KAT5: variants seen among roughly 807,000 people sequenced by gnomAD.
KAT5 encodes histone acetyltransferase KAT5.
A neutral mutation model predicts 68.1 loss-of-function variants in KAT5; 31 were observed. The observed-to-expected ratio is 0.46, with a 90% CI of 0.34 to 0.61. The LOEUF (loss-of-function observed/expected upper bound fraction) is 0.61. Ranked by LOEUF, KAT5 falls within the 20% of genes least tolerant of loss-of-function variation. The pLI, the probability that KAT5 is intolerant of heterozygous loss-of-function variation, is 0.01. For missense variants in KAT5, 451 were observed against 725.5 expected (o/e 0.62, Z 4.35); for synonymous variants, 365 against 292.6 (o/e 1.25, Z -2.52).
rs1857322251 is a variant in KAT5 at position 65,719,427 on chromosome 11, C to G, written c.*246C>G. 1 of 605,970 alleles carries G rather than the reference C, an allele frequency of 1.7e-6. No individual in the cohort carries two copies. Among genetic ancestry groups the G allele is most frequent in the African/African-American group, 1.9e-5 (1 of 54,026 alleles). The allele number at this position is 605,970 out of a possible 1,614,324, so 37.5% of individuals were successfully genotyped here. The stretch of plus-strand genomic sequence containing the variant: ...CCTCTGAAGCAGGGACCAGAGGGAG[C>G]CAGGCAGCTGTGTACAGTGAGAAGG... On this transcript the variant is annotated 3_prime_UTR_variant, in exon 13 of 13. Coordinates refer to ENST00000341318, the MANE Select transcript of KAT5 (RefSeq NM_182710.3).
intron 12 of KAT5, 38 bp from the exon 13 acceptor site, chr11:65,719,009 T>G: frequency 6.2e-7 from 1 of 1,614,046 alleles, no homozygotes; most frequent in Non-Finnish European, 8.5e-7. Context: ...CAGTCCTCTG[T>G]GGGCTGACCA....
chr11:65,717,236 C>G (rs1364593148), intron 10 of KAT5: 4 of 571,264 alleles, frequency 7.0e-6, no homozygotes, highest in Non-Finnish European at 1.3e-5. Flanking sequence ...TTCCCCAAAT[C>G]TGACTTACGT....
At position 65,714,736 on chromosome 11, in the gene KAT5, G is replaced by A. The variant is rs758972621; in HGVS notation, c.932G>A (p.Arg311His). 2.9e-5 allele frequency: 47 copies of A among 1,614,040 alleles called. No individual in the cohort carries two copies. Among genetic ancestry groups the A allele is most frequent in the Non-Finnish European group, 3.7e-5 (44 of 1,180,028 alleles). Reference sequence around the variant, plus strand: ...GGCCGTAGTCTCAAGTGTCTTCAGCGTCATTTGGTATGAGGGGTCCAGGGA... The same window carrying A: ...GGCCGTAGTCTCAAGTGTCTTCAGCATCATTTGGTATGAGGGGTCCAGGGA... ...KYGRSLKCLQ[R>H]HLTKCDLRHP... The change falls in exon 7 of 13, where the codon CGT becomes CAT. Residue 311 changes from arginine to histidine, a missense_variant. Physicochemically the swap from Arg to His is conservative, Grantham distance 29 (BLOSUM62 0). This residue lies in a region of KAT5 where 210 missense variants were observed against 423.7 expected (regional missense o/e 0.50). Coordinates refer to ENST00000341318, the MANE Select transcript of KAT5 (RefSeq NM_182710.3).
In KAT5 at chr11:65,719,188, A is replaced by G; in HGVS notation, c.*7A>G. 6.2e-7 allele frequency: 1 copy of G among 1,613,106 alleles called. No individual in the cohort carries two copies. The highest frequency in any genetic ancestry group is 8.5e-7 in the Non-Finnish European group (1 of 1,179,720). Reference sequence around the variant, plus strand: ...CAAGAGGGGGAAGTGGTGACCAGACACTGCCCACTGCAGTGCCAAGACGGC... The same window carrying G: ...CAAGAGGGGGAAGTGGTGACCAGACGCTGCCCACTGCAGTGCCAAGACGGC... On this transcript the variant is annotated 3_prime_UTR_variant, in exon 13 of 13. Transcript: ENST00000341318.
intron 8 of KAT5, 132 bp from the exon 9 acceptor site, chr11:65,716,535 A>G: frequency 1.2e-6 from 1 of 856,020 alleles, no homozygotes; most frequent in Non-Finnish European, 1.9e-6. Flanking sequence ...GGTCAGGCCC[A>G]GCCAGGGAAG....
rs754169662 is a variant in KAT5, at chr11:65,713,501, A to G, written c.538A>G (p.Thr180Ala). 3 of 1,614,092 alleles carry G rather than the reference A, an allele frequency of 1.9e-6. No individual in the cohort carries two copies. The highest frequency in any genetic ancestry group is 2.5e-6 in the Non-Finnish European group (3 of 1,179,982). Residue 180 changes from threonine (T) to alanine (A), a missense_variant and splice_region_variant, in exon 4 of 13, where the codon ACG (threonine) becomes GCG (alanine). Transcript: ENST00000341318. ...CTGCCTGCAGCCCAACCACCGCTCA[A>G]CGGTACCCTCAGCAATTCCAGGGAC... ...SSCLQPNHRS[T>A]KRKVEVVSPA...
At position 65,714,869 on chromosome 11, in the gene KAT5, G is replaced by C. The variant is rs1463632245; in HGVS notation, c.988G>C (p.Gly330Arg). The stretch of plus-strand genomic sequence containing the variant: ...TCCAGGCAATGAGATTTACCGCAAG[G>C]GCACCATCTCCTTCTTTGAGATTGA... ...HPPGNEIYRK[G>R]TISFFEIDGR... The change falls in exon 8 of 13, where the codon GGC becomes CGC. Residue 330 changes from glycine to arginine, a missense_variant. Transcript: ENST00000341318. 1 of 1,614,066 alleles carries C rather than the reference G, an allele frequency of 6.2e-7. No individual in the cohort carries two copies. Among genetic ancestry groups the C allele is most frequent in the African/African-American group, 1.3e-5 (1 of 74,900 alleles).
At chr11:65,715,673 A>G (rs890576172) in intron 8 of KAT5, among the ~76,000 whole-genome samples, 12 of 152,254 alleles carry the variant, frequency 7.9e-5, no homozygotes, top group African/African-American at 2.6e-4. Flanking sequence ...AGGCAGGAGA[A>G]TGGCGTGAAC....
chr11:65,714,234 G>A (rs1366642810), intron 6 of KAT5: 6 of 552,264 alleles, frequency 1.1e-5, no homozygotes, highest in African/African-American at 7.5e-5. Flanking sequence ...GGTGGAGATT[G>A]CAGTGAGCCA....
At chr11:65,714,387 C>G in intron 6 of KAT5, 108 bp from the exon 7 acceptor site, 1 of 1,288,682 alleles carries the variant, frequency 7.8e-7, no homozygotes, top group Non-Finnish European at 1.1e-6. Context: ...GGTACCTCCC[C>G]CTTAGGGTTG....
Position 65,718,747 on chromosome 11 carries a change from C to A in KAT5, c.1422C>A (p.Ile474=), listed in dbSNP as rs1444772415. The A allele has an allele frequency of 6.2e-7, 1 of 1,614,206 alleles. No individual in the cohort carries two copies. The change falls in exon 11 of 13, where the codon ATC becomes ATA. Residue 474 remains isoleucine (I), a splice_region_variant and synonymous_variant. Transcript: ENST00000341318. ...SESGERPQIT[I]NEISEITSIK... The stretch of plus-strand genomic sequence containing the variant: ...GCGGGGAGAGGCCACAGATCACCAT[C>A]AAGTGAGCCTGGCGCTGTCTACCTG...
Position 65,714,704 on chromosome 11 carries a change from C to A in KAT5, c.900C>A (p.Leu300=). 1 of 1,614,220 alleles carries A rather than the reference C, an allele frequency of 6.2e-7. No individual in the cohort carries two copies. Among genetic ancestry groups the A allele is most frequent in the Non-Finnish European group, 8.5e-7 (1 of 1,180,048 alleles). Residue 300 remains leucine, a synonymous_variant, in exon 7 of 13, where the codon CTC becomes CTA. Coordinates refer to ENST00000341318, the MANE Select transcript of KAT5 (RefSeq NM_182710.3). ...LPVLYLCEFC[L]KYGRSLKCLQ... ...TCCTCTACCTGTGCGAGTTCTGCCTCAAGTACGGCCGTAGTCTCAAGTGTC... is the reference window on the plus strand; with the variant it reads ...TCCTCTACCTGTGCGAGTTCTGCCTAAAGTACGGCCGTAGTCTCAAGTGTC...
In KAT5 at chr11:65,719,415, G is replaced by A; in HGVS notation, c.*234G>A. 1.6e-6 allele frequency: 1 copy of A among 611,966 alleles called. No individual in the cohort carries two copies. Among genetic ancestry groups the A allele is most frequent in the East Asian group, 2.8e-5 (1 of 36,338 alleles). The allele number at this position is 611,966 out of a possible 1,614,324, so 37.9% of individuals were successfully genotyped here. On this transcript the variant is annotated 3_prime_UTR_variant, in exon 13 of 13. Transcript: ENST00000341318. ...AGGCCCAGGCCTCCTCTGAAGCAGG[G>A]ACCAGAGGGAGCCAGGCAGCTGTGT... is the stretch of plus-strand genomic sequence containing the variant.
rs765570662 is a variant in KAT5, at chr11:65,712,747, G to A, written c.179-19G>A. The A allele has an allele frequency of 1.3e-5, 21 of 1,613,962 alleles. No individual in the cohort carries two copies. Among genetic ancestry groups the A allele is most frequent in the Non-Finnish European group, 1.8e-5 (21 of 1,179,906 alleles). On this transcript the variant is annotated intron_variant, in intron 1 of 12. Transcript: ENST00000341318. ...ATAGCCTGGCCTGTCTAAGGCCCCT[G>A]TCTATGCTATTCTCATAGCCCTGGC... is the stretch of plus-strand genomic sequence containing the variant.
chr11:65,712,743 C>A (rs779478369), intron 1 of KAT5, 23 bp from the exon 2 acceptor site: 2 of 1,613,616 alleles, frequency 1.2e-6, no homozygotes, highest in Middle Eastern at 1.7e-4. Flanking sequence ...TGTCTAAGGC[C>A]CCTGTCTATG....
intron 3 of KAT5, 36 bp downstream of exon 3, chr11:65,713,094 C>T (rs770770472): frequency 1.6e-5 from 25 of 1,609,998 alleles, no homozygotes; most frequent in Non-Finnish European, 2.0e-5. Context: ...TTCTCTCCTG[C>T]CTCCTATTTC....
chr11:65,716,468 A>G, intron 8 of KAT5, 199 bp from the exon 9 acceptor site: 1 of 594,024 alleles, frequency 1.7e-6, no homozygotes, highest in South Asian at 2.0e-5. Context: ...CACATCTGGC[A>G]CACAGGCTTT....
Position 65,719,279 on chromosome 11 carries a change from A to G in KAT5, c.*98A>G. 1 of 1,424,234 alleles carries G rather than the reference A, an allele frequency of 7.0e-7. No homozygotes were observed. The highest frequency in any genetic ancestry group is 1.3e-5 in the South Asian group (1 of 78,354). The allele number at this position is 1,424,234 out of a possible 1,614,324, so 88.2% of individuals were successfully genotyped here. On this transcript the variant is annotated 3_prime_UTR_variant, in exon 13 of 13. Transcript: ENST00000341318. ...GCTCCCACAAAGCACTCTAAGGGAG[A>G]TGGGGCTGAGGACAGCTCAAAAAGG...
intron 8 of KAT5, 30 bp downstream of exon 8, chr11:65,714,940 G>A (rs1436558623): frequency 1.3e-6 from 2 of 1,581,262 alleles, no homozygotes; most frequent in African/African-American, 2.7e-5. Context: ...TGAGGCGCTG[G>A]GGTGAATCAA....
Sources: allele counts gnomAD v4.1 joint callset (sites outside exome capture counted in the v4.1 genomes callset), GRCh38; gene constraint gnomAD v4.1.1; regional missense constraint gnomAD v4.1.1; transcripts MANE v1.5; gene names NCBI Gene and HGNC (gene_info 2026-07-23, HGNC 2026-07-21).